The following OTUD4 variants were observed in gnomAD, a reference collection of about 807,000 sequenced individuals.
OTUD4 encodes the protein OTU deubiquitinase 4, also known as OTU domain-containing protein 4.
Under a neutral mutation model 130.4 loss-of-function variants are expected in OTUD4, and 24 were observed. The observed-to-expected ratio is 0.18, with a 90% CI of 0.13 to 0.26. OTUD4 has a LOEUF of 0.26. Among genes scored for constraint, OTUD4 ranks in the 10% least tolerant of loss-of-function variants. OTUD4 has a pLI of 1.00. For missense variants in OTUD4, 1,031 were observed against 1,329.4 expected, an observed-to-expected ratio of 0.78 and a Z score of 3.49; for synonymous variants, 420 against 472.5, an observed-to-expected ratio of 0.89 and a Z score of 1.44.
At chr4:145,174,525 GAGA>G (rs1752330573) in intron 2 of OTUD4, 133 bp downstream of exon 2, 1 of 589,566 alleles carries the variant, frequency 1.7e-6, no homozygotes. Flanking sequence ...AAGTTCAATA[GAGA>G]AGTTTTTTTA....
intron 3 of OTUD4, among the ~76,000 whole-genome samples, chr4:145,169,573 A>G (rs1382946677): frequency 1.3e-5 from 2 of 152,100 alleles, no homozygotes; most frequent in Admixed American, 1.3e-4. Context: ...CAACCTCTGC[A>G]TCCCAGGTTC....
Position 145,134,794 on chromosome 4 carries a change from G to A in OTUD4, c.*2636C>T, listed in dbSNP as rs1750158160. On this transcript the variant is annotated 3_prime_UTR_variant, in exon 21 of 21. Transcript: ENST00000447906. ...CATACACAACACCAAAGGGAAAAGG[G>A]GGCTGGAATCAAGTTCAGCCAAAGC... 3 of 398,818 alleles carry A rather than the reference G, an allele frequency of 7.5e-6. No homozygotes were observed. Among genetic ancestry groups the A allele is most frequent in the African/African-American group, 4.1e-5 (2 of 48,592 alleles). 24.7% of individuals were successfully genotyped at this position (398,818 alleles called of 1,614,324 possible).
At chr4:145,168,302 C>T (rs1471477553) in intron 3 of OTUD4, among the ~76,000 whole-genome samples, 1 of 150,932 alleles carries the variant, frequency 6.6e-6, no homozygotes, top group Non-Finnish European at 1.5e-5. Flanking sequence ...ATCACTTGAA[C>T]TCGGGAGGCA....
chr4:145,174,540 TAA>T lies in OTUD4; in HGVS notation c.243+119_243+120del, dbSNP rs1752331492. 6.6e-6 allele frequency: 4 copies of T among 605,406 alleles called. No homozygotes were observed. The East Asian group carries it at 8.3e-5, about 13-fold the overall frequency. The allele number at this position is 605,406 out of a possible 1,614,324, so 37.5% of individuals were successfully genotyped here. A position where few individuals can be genotyped will look rare whatever the true frequency, so the allele number is the denominator to read the frequency against. On this transcript the variant is annotated intron_variant, in intron 2 of 20. Transcript: ENST00000447906. ...AAGTTCAATAGAGAAGTTTTTTTAA[TAA>T]GTGTTATTTTCATAACCCGCATTAA...
In OTUD4 at chr4:145,138,554, G is replaced by A. The variant is rs2126734902; in HGVS notation, c.2221C>T (p.Pro741Ser). The change falls in exon 21 of 21, where the codon CCT (proline) becomes TCT (serine). Residue 741 changes from proline to serine, a missense_variant. Physicochemically the swap from Pro to Ser is moderately conservative, Grantham distance 74. Transcript: ENST00000447906. ...AACCAGGGATTATGAGGATAAACAG[G>A]GACAGGGACCTTTGGGTACATCCTG... is the stretch of plus-strand genomic sequence containing the variant. Reference protein sequence around the residue: ...ACRMYPKVPVPVYPHNPWFQE... With the variant: ...ACRMYPKVPVSVYPHNPWFQE... The A allele has an allele frequency of 6.2e-7, 1 of 1,614,098 alleles. No individual in the cohort carries two copies. The highest frequency in any genetic ancestry group is 1.7e-4 in the Middle Eastern group (1 of 6,036).
At position 145,136,517 on chromosome 4, in the gene OTUD4, T is replaced by G. The variant is rs1750278591; in HGVS notation, c.*913A>C. The G allele has an allele frequency of 9.4e-6, 1 of 106,576 alleles. No individual in the cohort carries two copies. Among genetic ancestry groups the G allele is most frequent in the Non-Finnish European group, 1.8e-5 (1 of 56,390 alleles). The allele number at this position is 106,576 out of a possible 1,614,324, so 6.6% of individuals were successfully genotyped here. On this transcript the variant is annotated 3_prime_UTR_variant, in exon 21 of 21. Transcript: ENST00000447906. ...CTAGAAACCTGTCAAGCTAAAAATT[T>G]TTAACATTTCTTCTCACAAAATATT...
rs1750123507 is a variant in OTUD4 at position 145,134,023 on chromosome 4, C to T, written c.*3407G>A. On this transcript the variant is annotated 3_prime_UTR_variant, in exon 21 of 21. Coordinates refer to ENST00000447906, the MANE Select transcript of OTUD4 (RefSeq NM_001366057.1). ...AACACAATGCAATTTTTAATCCATTCAAGTAAGTTCAACCCCAAAGTTGCC... is the reference window on the plus strand; with the variant it reads ...AACACAATGCAATTTTTAATCCATTTAAGTAAGTTCAACCCCAAAGTTGCC... 6.6e-6 allele frequency: 1 copy of T among 152,556 alleles called. No individual in the cohort carries two copies. The highest frequency in any genetic ancestry group is 2.4e-5 in the African/African-American group (1 of 41,414). The allele number at this position is 152,556 out of a possible 1,614,324, so 9.5% of individuals were successfully genotyped here.
At chr4:145,159,704 A>G in intron 6 of OTUD4, 69 bp from the exon 7 acceptor site, 2 of 1,436,984 alleles carry the variant, frequency 1.4e-6, no homozygotes, top group Non-Finnish European at 1.9e-6. Context: ...GGAACAGACC[A>G]TCACATTGTA....
chr4:145,148,402 G>A (rs1704484567), intron 13 of OTUD4, among the ~76,000 whole-genome samples: 1 of 152,070 alleles, frequency 6.6e-6, no homozygotes, highest in Non-Finnish European at 1.5e-5. Flanking sequence ...GGGAGGCTGA[G>A]GCATGGGAAT....
Position 145,135,515 on chromosome 4 carries a change from A to G in OTUD4, c.*1915T>C, listed in dbSNP as rs1750197738. On this transcript the variant is annotated 3_prime_UTR_variant, in exon 21 of 21. Transcript: ENST00000447906. ...GTAAGCTAGTCCTACATAAAAAAGC[A>G]TGAGCTGAAAGTGGAGGACCCTCTA... is the stretch of plus-strand genomic sequence containing the variant. 6.6e-6 allele frequency: 1 copy of G among 152,228 alleles called. No individual in the cohort carries two copies. Among genetic ancestry groups the G allele is most frequent in the Non-Finnish European group, 1.5e-5 (1 of 68,028 alleles). 9.4% of individuals were successfully genotyped at this position (152,228 alleles called of 1,614,324 possible). A position where few individuals can be genotyped will look rare whatever the true frequency, so the allele number is the denominator to read the frequency against.
intron 3 of OTUD4, among the ~76,000 whole-genome samples, chr4:145,168,540 A>C (rs1751992792): frequency 6.6e-6 from 1 of 152,106 alleles, no homozygotes; most frequent in Admixed American, 6.6e-5. Context: ...GAACAACAGC[A>C]ATTAAAAAAT....
chr4:145,164,741 T>C (rs933329363), intron 4 of OTUD4, among the ~76,000 whole-genome samples: 5 of 151,982 alleles, frequency 3.3e-5, no homozygotes, highest in African/African-American at 9.7e-5. Flanking sequence ...ATGTAAATAT[T>C]CCAAAATTTA....
Position 145,146,313 on chromosome 4 carries a change from AGTAAACGGGATTCTTCTATAGC to A in OTUD4, c.1354_1375del (p.Ala452SerfsTer39). 6.3e-7 allele frequency: 1 copy of A among 1,590,414 alleles called. No individual in the cohort carries two copies. The highest frequency in any genetic ancestry group is 1.2e-5 in the South Asian group (1 of 86,130). On this transcript the variant is annotated frameshift_variant, in exon 14 of 21. Coordinates refer to ENST00000447906, the MANE Select transcript of OTUD4 (RefSeq NM_001366057.1). LOFTEE classifies it high-confidence loss of function. ...TTCATCTCTGTTCTGAATCTCATAG[AGTAAACGGGATTCTTCTATAGC>A]TTGCTTCTCTCTGCGCTCTTCTGGG... is the stretch of plus-strand genomic sequence containing the variant.
At chr4:145,142,961 TC>T (rs1360581975) in intron 17 of OTUD4, among the ~76,000 whole-genome samples, 1 of 152,174 alleles carries the variant, frequency 6.6e-6, no homozygotes, top group Non-Finnish European at 1.5e-5. Flanking sequence ...ATCAGTACAT[TC>T]CCTCCCATCT....
intron 2 of OTUD4, among the ~76,000 whole-genome samples, chr4:145,172,258 T>G (rs370341093): frequency 2.6e-5 from 4 of 152,362 alleles, no homozygotes; most frequent in South Asian, 4.1e-4. Flanking sequence ...AAGCAGTGCT[T>G]TAACTTGGTA....
At chr4:145,139,004 T>C (rs1274059272) in intron 20 of OTUD4, among the ~76,000 whole-genome samples, 6 of 152,134 alleles carry the variant, frequency 3.9e-5, no homozygotes, top group Non-Finnish European at 8.8e-5. Flanking sequence ...TCTGAATTTG[T>C]TTTACTGGGA....
At chr4:145,139,757 C>CA (rs201699389) in intron 20 of OTUD4, among the ~76,000 whole-genome samples, 194 bp downstream of exon 20, 2 of 152,090 alleles carry the variant, frequency 1.3e-5, no homozygotes, top group African/African-American at 4.8e-5. Flanking sequence ...CCAGTTAAGA[C>CA]AAAAAAGTAA....
In OTUD4 at chr4:145,143,334, C is replaced by T; in HGVS notation, c.1683+31G>A. The T allele has an allele frequency of 3.8e-6, 5 of 1,324,998 alleles. No homozygotes were observed. In the East Asian group the frequency reaches 1.2e-4, roughly 30 times the overall value. 82.1% of individuals were successfully genotyped at this position (1,324,998 alleles called of 1,614,324 possible). A position where few individuals can be genotyped will look rare whatever the true frequency, so the allele number is the denominator to read the frequency against. On this transcript the variant is annotated intron_variant, in intron 17 of 20. Transcript: ENST00000447906. The stretch of plus-strand genomic sequence containing the variant: ...GAGCACAGAAACCCAGAGAGTGGAG[C>T]ATTCAATGTTAAATGCAACAATATA...
At position 145,136,242 on chromosome 4, in the gene OTUD4, G is replaced by C. The variant is rs1394234144; in HGVS notation, c.*1188C>G. The C allele has an allele frequency of 1.3e-5, 2 of 152,346 alleles. No homozygotes were observed. Among genetic ancestry groups the C allele is most frequent in the Non-Finnish European group, 2.9e-5 (2 of 67,994 alleles). 9.4% of individuals were successfully genotyped at this position (152,346 alleles called of 1,614,324 possible). ...TGAGAACAGAGTGCAACATGCAAAG[G>C]GAACCTCTAGTGAATACTGCAAAGA... On this transcript the variant is annotated 3_prime_UTR_variant, in exon 21 of 21. Coordinates refer to ENST00000447906, the MANE Select transcript of OTUD4 (RefSeq NM_001366057.1).
Sources: gnomAD v4.1 joint callset for allele counts (sites outside exome capture counted in the v4.1 genomes callset) on GRCh38, gnomAD v4.1.1 for gene constraint, MANE v1.5 for transcripts, NCBI Gene and HGNC (gene_info 2026-07-23, HGNC 2026-07-21) for gene names.